The following NRXN1 variants were observed in gnomAD, a reference collection of about 807,000 sequenced individuals.
NRXN1 encodes the protein neurexin 1, also known as neurexin-1.
NRXN1 carries 39 observed loss-of-function variants against 150.9 expected under a neutral mutation model. The ratio of observed to expected loss-of-function variants is 0.26; its 90% CI spans 0.20 to 0.34. The LOEUF (loss-of-function observed/expected upper bound fraction) is 0.34, where lower values mean the gene tolerates loss of function less well. Among genes scored for constraint, NRXN1 ranks in the 10% least tolerant of loss-of-function variants. The pLI is 1.00. For synonymous variants in NRXN1, 924 were observed against 757.0 expected, an observed-to-expected ratio of 1.22 and a Z score of -3.62; for missense variants, 1,815 against 1,949.9, an observed-to-expected ratio of 0.93 and a Z score of 1.30.
intron 18 of NRXN1, among the ~76,000 whole-genome samples, chr2:50,122,220 G>A (rs12620250): frequency 0.081 from 12,361 of 152,280 alleles, 1,128 homozygotes; most frequent in East Asian, 0.33. Context: ...TTATCTGAAT[G>A]TGACAATGAA....
intron 17 of NRXN1, among the ~76,000 whole-genome samples, chr2:50,412,438 G>T (rs1380699190): frequency 1.3e-5 from 2 of 151,698 alleles, no homozygotes; most frequent in African/African-American, 4.8e-5. Flanking sequence ...TTATATACCA[G>T]GGCAAAAGTT....
chr2:50,558,025 T>G (rs910968406), intron 8 of NRXN1, among the ~76,000 whole-genome samples: 3 of 152,214 alleles, frequency 2.0e-5, no homozygotes, highest in African/African-American at 7.2e-5. Flanking sequence ...CATGAAAGGG[T>G]TTCTGTGGTA....
chr2:50,490,424 G>C (rs2091183652), intron 15 of NRXN1, among the ~76,000 whole-genome samples: 1 of 152,128 alleles, frequency 6.6e-6, no homozygotes, highest in Non-Finnish European at 1.5e-5. Flanking sequence ...AGCTACCTCT[G>C]TGTAATTGTG....
intron 8 of NRXN1, among the ~76,000 whole-genome samples, chr2:50,563,233 A>T (rs1207990440): frequency 6.6e-6 from 1 of 152,242 alleles, no homozygotes; most frequent in African/African-American, 2.4e-5. Flanking sequence ...AGGAAATTAT[A>T]TCTTGCTTTG....
intron 5 of NRXN1, among the ~76,000 whole-genome samples, chr2:50,901,534 C>A (rs542497812): frequency 6.6e-6 from 1 of 152,034 alleles, no homozygotes; most frequent in South Asian, 2.1e-4. Context: ...GAGACTCCGT[C>A]CCCGCAAAAA....
chr2:50,844,992 C>G (rs1411312221), intron 5 of NRXN1, among the ~76,000 whole-genome samples: 2 of 151,994 alleles, frequency 1.3e-5, no homozygotes, highest in African/African-American at 4.8e-5. Context: ...TAGCTGGGAC[C>G]ACAGGTGCAC....
In NRXN1 at chr2:51,027,864, C is replaced by G. The variant is rs745894097; in HGVS notation, c.410G>C (p.Trp137Ser). 6.2e-7 allele frequency: 1 copy of G among 1,613,014 alleles called. No homozygotes were observed. Among genetic ancestry groups the G allele is most frequent in the Admixed American group, 1.7e-5 (1 of 60,028 alleles). ...TLFIDQVEAK[W>S]VEVKSKRRDM... ...CCTGCGCTTGGACTTGACCTCCACC[C>G]ACTTGGCCTCCACCTGGTCGATGAA... is the stretch of plus-strand genomic sequence containing the variant. The change falls in exon 2 of 23, where the codon TGG becomes TCG. Residue 137 changes from tryptophan (W) to serine (S), a missense_variant. Physicochemically the swap from Trp to Ser is radical, Grantham distance 177 (BLOSUM62 -3). Around this residue, in one of 6 missense-constraint regions of NRXN1, gnomAD observed 554 missense variants for 478.8 expected, o/e 1.16. Coordinates refer to ENST00000401669, the MANE Select transcript of NRXN1 (RefSeq NM_001330078.2).
chr2:50,711,883 C>T (rs1476191625), intron 5 of NRXN1, among the ~76,000 whole-genome samples: 1 of 152,036 alleles, frequency 6.6e-6, no homozygotes, highest in Non-Finnish European at 1.5e-5. Context: ...CCTTCCACTG[C>T]CACTGAGTGA....
intron 21 of NRXN1, among the ~76,000 whole-genome samples, chr2:50,025,644 T>G (rs1212565724): frequency 6.6e-6 from 1 of 152,210 alleles, no homozygotes; most frequent in Non-Finnish European, 1.5e-5. Flanking sequence ...ATCTACATTT[T>G]AAAACACATT....
chr2:50,250,435 ATTT>A lies in NRXN1; in HGVS notation c.3365-13468_3365-13466del, dbSNP rs61220479. On this transcript the variant is annotated intron_variant, in intron 17 of 22. Transcript: ENST00000401669. ...TATAAATGGAAAGTCACTTTTTAATATTTTTTTTTTTTAGCGGAAGCTGATGCA... is the reference window on the plus strand; with the variant it reads ...TATAAATGGAAAGTCACTTTTTAATATTTTTTTTTAGCGGAAGCTGATGCA... Among the ~76,000 whole-genome samples the A allele has an allele frequency of 1.1e-4, 17 of 149,782 alleles. No individual in the cohort carries two copies. The South Asian group carries it at 2.1e-3, about 19-fold the overall frequency.
At chr2:50,337,498 A>G (rs1037855954) in intron 17 of NRXN1, among the ~76,000 whole-genome samples, 4 of 152,190 alleles carry the variant, frequency 2.6e-5, no homozygotes, top group Non-Finnish European at 5.9e-5. Flanking sequence ...CCTTATGGGT[A>G]AAATGGGAGA....
chr2:51,003,430 T>TTA (rs1700313370), intron 2 of NRXN1, among the ~76,000 whole-genome samples: 1 of 152,014 alleles, frequency 6.6e-6, no homozygotes, highest in African/African-American at 2.4e-5. Flanking sequence ...AGAGATAAAT[T>TTA]ATGGTGCCTA....
At chr2:50,792,310 TTTTA>T (rs751317919) in intron 5 of NRXN1, among the ~76,000 whole-genome samples, 2 of 152,122 alleles carry the variant, frequency 1.3e-5, no homozygotes, top group Non-Finnish European at 2.9e-5. Context: ...TATTATTAAC[TTTTA>T]TTTGTCTATT....
At chr2:50,012,029 G>T (rs1685753965) in intron 21 of NRXN1, among the ~76,000 whole-genome samples, 1 of 151,996 alleles carries the variant, frequency 6.6e-6, no homozygotes, top group African/African-American at 2.4e-5. Context: ...TAATAGCCCA[G>T]GGTCAATATG....
intron 17 of NRXN1, among the ~76,000 whole-genome samples, chr2:50,319,755 T>G (rs927200168): frequency 6.6e-6 from 1 of 152,014 alleles, no homozygotes; most frequent in African/African-American, 2.4e-5. Context: ...CAAAGACCCC[T>G]ACGCGAGCTT....
At position 50,963,673 on chromosome 2, in the gene NRXN1, G is replaced by A. The variant is rs376904433; in HGVS notation, c.773-37718C>T. 3.4e-3 allele frequency among the ~76,000 whole-genome samples: 510 copies of A among 151,752 alleles called. 8 individuals are homozygous for A. The highest frequency in any genetic ancestry group is 0.012 in the African/African-American group (490 of 41,534). Reference sequence around the variant, plus strand: ...AGCATTGACATACATGTTTAAGCAAGATACGGTGATTTTTCCCTTGAATAT... The same window carrying A: ...AGCATTGACATACATGTTTAAGCAAAATACGGTGATTTTTCCCTTGAATAT... On this transcript the variant is annotated intron_variant, in intron 2 of 22. Transcript: ENST00000401669.
intron 5 of NRXN1, among the ~76,000 whole-genome samples, chr2:50,858,892 C>G (rs1017270812): frequency 3.9e-5 from 6 of 151,992 alleles, no homozygotes; most frequent in Non-Finnish European, 5.9e-5. Context: ...AGTAGAGATT[C>G]AATTTTTCTG....
At chr2:50,621,174 C>A in intron 7 of NRXN1, 52 bp downstream of exon 7, 1 of 1,501,620 alleles carries the variant, frequency 6.7e-7, no homozygotes, top group East Asian at 2.5e-5. Flanking sequence ...ACGGCAAACC[C>A]AAAATAAGAA....
chr2:50,716,592 T>C (rs899622774), intron 5 of NRXN1, among the ~76,000 whole-genome samples: 7 of 152,196 alleles, frequency 4.6e-5, no homozygotes, highest in East Asian at 1.9e-4. Flanking sequence ...TCATTTGCTA[T>C]GATAATGAGA....
Sources: gnomAD v4.1 joint callset for allele counts (sites outside exome capture counted in the v4.1 genomes callset) on GRCh38, gnomAD v4.1.1 for gene constraint, gnomAD v4.1.1 regional missense constraint, MANE v1.5 for transcripts, NCBI Gene and HGNC (gene_info 2026-07-23, HGNC 2026-07-21) for gene names.